The following ZFX variants were observed in gnomAD, a reference collection of about 807,000 sequenced individuals.
The protein encoded by ZFX is zinc finger protein X-linked.
For missense variants in ZFX, 362 were observed against 628.3 expected (o/e 0.58, Z 4.53); for synonymous variants, 196 against 226.8 (o/e 0.86, Z 1.22).
At chrX:24,209,341 T>C (rs1355233413) in intron 9 of ZFX, among the ~76,000 whole-genome samples, 2 of 112,282 alleles carry the variant, frequency 1.8e-5, no homozygotes, top group Non-Finnish European at 3.8e-5. Context: ...TTTAAATAAA[T>C]TAATACATTT....
At chrX:24,204,055 G>A (rs1361038132) in intron 5 of ZFX, among the ~76,000 whole-genome samples, 1 of 112,311 alleles carries the variant, frequency 8.9e-6, no homozygotes, top group Non-Finnish European at 1.9e-5. Context: ...GAAACTGAAG[G>A]TATATTAAAA....
Position 24,208,294 on chromosome X carries a change from C to T in ZFX, c.1017C>T (p.Ala339=), listed in dbSNP as rs146342075. The T allele has an allele frequency of 9.1e-6, 11 of 1,208,972 alleles. No homozygotes were observed. Among genetic ancestry groups the T allele is most frequent in the Admixed American group, 8.8e-5 (4 of 45,362 alleles). ...GEEDAAAAAA[A]AAVHEQQMDD... is the part of the protein sequence containing the mutation. ...AGGATGCTGCAGCAGCAGCGGCAGC[C>T]GCCGCCGTGCACGAGCAGCAAATGG... is the stretch of plus-strand genomic sequence containing the variant. The change falls in exon 8 of 10, where the codon GCC becomes GCT. Residue 339 remains alanine (A), a synonymous_variant. Coordinates refer to ENST00000304543, the MANE Select transcript of ZFX (RefSeq NM_003410.4).
At chrX:24,168,671 C>CTTTTTTTTTTTTTT (rs141296315) in intron 3 of ZFX, among the ~76,000 whole-genome samples, 3 of 83,264 alleles carry the variant, frequency 3.6e-5, no homozygotes, top group East Asian at 3.8e-4. Context: ...TTCTTTCTTT[C>CTTTTTTTTTTTTTT]TTTTTTTTTT....
chrX:24,202,616 C>T (rs115469874), intron 5 of ZFX, among the ~76,000 whole-genome samples: 2,231 of 111,565 alleles, frequency 0.02, 53 homozygotes, highest in African/African-American at 0.069. Context: ...CTCCAGCTTT[C>T]CCTTCTCTGG....
rs780219357 is a variant in ZFX at position 24,193,517 on chromosome X, A to G, written c.646+13747A>G. Among the ~76,000 whole-genome samples, 4 of 111,882 alleles carry G rather than the reference A, an allele frequency of 3.6e-5. No homozygotes were observed. The South Asian group carries it at 1.1e-3, about 31-fold the overall frequency. ...GGTGCTGATGGTTGCACCACAGTGA[A>G]TGTACTAAAAATCACTTAATTGTAC... On this transcript the variant is annotated intron_variant, in intron 5 of 9. Transcript: ENST00000304543.
At chrX:24,170,608 ATTT>A (rs1217226048) in intron 3 of ZFX, among the ~76,000 whole-genome samples, 1 of 85,955 alleles carries the variant, frequency 1.2e-5, no homozygotes. Flanking sequence ...TTTTTCTTTA[ATTT>A]TTTTTTTTTT....
At chrX:24,160,028 TGTTA>T (rs1220062214) in intron 3 of ZFX, among the ~76,000 whole-genome samples, 6 of 108,872 alleles carry the variant, frequency 5.5e-5, no homozygotes, top group Admixed American at 9.8e-5. Flanking sequence ...AACCTAATTT[TGTTA>T]GTTTGTTCCT....
In ZFX at chrX:24,211,455, C is replaced by A; in HGVS notation, c.*79C>A. On this transcript the variant is annotated 3_prime_UTR_variant, in exon 10 of 10. Transcript: ENST00000304543. ...TTTTAAAGCCAATCAGTCTCATTCA[C>A]ATACAATACTGTATATTGATTTATG... 1 of 1,022,750 alleles carries A rather than the reference C, an allele frequency of 9.8e-7. No individual in the cohort carries two copies. Among genetic ancestry groups the A allele is most frequent in the Non-Finnish European group, 1.3e-6 (1 of 743,221 alleles). The allele number at this position is 1,022,750 out of a possible 1,213,427, so 84.3% of individuals were successfully genotyped here.
chrX:24,149,888 G>C (rs1382957276), intron 1 of ZFX, 94 bp downstream of exon 1: 1 of 108,955 alleles, frequency 9.2e-6, no homozygotes, highest in Non-Finnish European at 1.9e-5. Context: ...GCCCTCCCGC[G>C]CTAGGCCGGG....
At chrX:24,180,748 A>G (rs1935614612) in intron 5 of ZFX, among the ~76,000 whole-genome samples, 1 of 112,286 alleles carries the variant, frequency 8.9e-6, no homozygotes, top group Non-Finnish European at 1.9e-5. Flanking sequence ...ATAATATGTA[A>G]AACACTGCAT....
chrX:24,159,235 C>A (rs780701670), intron 3 of ZFX, among the ~76,000 whole-genome samples: 90 of 111,784 alleles, frequency 8.1e-4, no homozygotes, highest in Non-Finnish European at 1.5e-3. Flanking sequence ...AGCAGTTGTC[C>A]TGCCTGGGCC....
At chrX:24,194,849 C>G (rs745358050) in intron 5 of ZFX, among the ~76,000 whole-genome samples, 1 of 107,699 alleles carries the variant, frequency 9.3e-6, no homozygotes, top group South Asian at 4.2e-4. Flanking sequence ...CTAGTTCAAG[C>G]AATTCTCCTG....
At chrX:24,171,940 G>GGC (rs1934668907) in intron 3 of ZFX, among the ~76,000 whole-genome samples, 3 of 110,297 alleles carry the variant, frequency 2.7e-5, no homozygotes, top group African/African-American at 3.3e-5. Context: ...GAGAGAGAGA[G>GGC]AGGCAGACAG....
intron 5 of ZFX, among the ~76,000 whole-genome samples, chrX:24,204,162 A>AG (rs1456633214): frequency 8.9e-6 from 1 of 112,060 alleles, no homozygotes; most frequent in Non-Finnish European, 1.9e-5. Context: ...ATTTGAAACA[A>AG]GCTGATTAAA....
At chrX:24,198,144 C>T (rs1937041692) in intron 5 of ZFX, among the ~76,000 whole-genome samples, 1 of 112,279 alleles carries the variant, frequency 8.9e-6, no homozygotes, top group Admixed American at 9.4e-5. Context: ...ACAGTAGATG[C>T]TGGCTCTAAA....
rs1938141831 is a variant in ZFX, at chrX:24,212,256, A to G, written c.*880A>G. On this transcript the variant is annotated 3_prime_UTR_variant, in exon 10 of 10. Coordinates refer to ENST00000304543, the MANE Select transcript of ZFX (RefSeq NM_003410.4). Reference sequence around the variant, plus strand: ...AATTATATATATACACATATATATCATGTACCTGTGTGTATTGCTTATTTT... The same window carrying G: ...AATTATATATATACACATATATATCGTGTACCTGTGTGTATTGCTTATTTT... The G allele has an allele frequency of 9.0e-6, 1 of 111,706 alleles. No homozygotes were observed. Among genetic ancestry groups the G allele is most frequent in the South Asian group, 3.7e-4 (1 of 2,687 alleles). The allele number at this position is 111,706 out of a possible 1,213,427, so 9.2% of individuals were successfully genotyped here.
intron 4 of ZFX, chrX:24,178,000 C>T (rs1461923817): frequency 4.6e-5 from 11 of 237,705 alleles, no homozygotes; most frequent in African/African-American, 2.1e-4. Context: ...GGCACGATCT[C>T]GGCTCACTGC....
chrX:24,204,604 G>A (rs1268902956), intron 5 of ZFX, among the ~76,000 whole-genome samples: 1 of 111,919 alleles, frequency 8.9e-6, no homozygotes, highest in Non-Finnish European at 1.9e-5. Context: ...TGTTTTTCAC[G>A]AAAAGAAAGC....
Position 24,207,292 on chromosome X carries a change from GTTACTA to G in ZFX, c.647-31_647-26del, listed in dbSNP as rs747172883. On this transcript the variant is annotated intron_variant, in intron 5 of 9. Transcript: ENST00000304543. ...ATAGTAACATTTTATTTAAATATCT[GTTACTA>G]TTTGTGATTTATTTCCTTCCTTTTT... 4 of 923,454 alleles carry G rather than the reference GTTACTA, an allele frequency of 4.3e-6. No individual in the cohort carries two copies. In the East Asian group the frequency reaches 1.4e-4, roughly 32 times the overall value. 76.1% of individuals were successfully genotyped at this position (923,454 alleles called of 1,213,427 possible).
Sources: allele counts gnomAD v4.1 joint callset (sites outside exome capture counted in the v4.1 genomes callset), GRCh38; gene constraint gnomAD v4.1.1; transcripts MANE v1.5; gene names NCBI Gene and HGNC (gene_info 2026-07-23, HGNC 2026-07-21).